PCDH15: variants seen among roughly 807,000 people sequenced by gnomAD.
The protein encoded by PCDH15 is protocadherin-15.
In PCDH15, 129 loss-of-function variants were observed where a neutral mutation model predicts 178.5. The observed-to-expected ratio is 0.72, with a 90% CI of 0.63 to 0.84. The LOEUF is 0.84. Ranked by LOEUF, PCDH15 falls within the 40% of genes least tolerant of loss-of-function variation. PCDH15 has a pLI of 0.00. For missense variants in PCDH15, 2,230 were observed against 2,099.9 expected, an observed-to-expected ratio of 1.06 and a Z score of -1.21; for synonymous variants, 800 against 732.0, an observed-to-expected ratio of 1.09 and a Z score of -1.50.
chr10:54,206,749 T>C (rs2050838630), intron 10 of PCDH15, among the ~76,000 whole-genome samples: 1 of 152,058 alleles, frequency 6.6e-6, no homozygotes, highest in South Asian at 2.1e-4. Flanking sequence ...AGACAAAAAA[T>C]AACAAAGAGT....
intron 18 of PCDH15, among the ~76,000 whole-genome samples, chr10:54,038,432 T>C (rs1444925635): frequency 2.0e-5 from 3 of 151,884 alleles, no homozygotes; most frequent in East Asian, 1.9e-4. Flanking sequence ...AAGACCAGAA[T>C]TGGATTCAGG....
chr10:55,300,208 A>G (rs945944964), intron 1 of PCDH15, among the ~76,000 whole-genome samples: 1 of 152,124 alleles, frequency 6.6e-6, no homozygotes, highest in Admixed American at 6.5e-5. Flanking sequence ...TTGAAATCCA[A>G]ATTTAACCTA....
intron 2 of PCDH15, among the ~76,000 whole-genome samples, chr10:54,970,394 G>A (rs997854965): frequency 6.6e-6 from 1 of 152,122 alleles, no homozygotes; most frequent in African/African-American, 2.4e-5. Context: ...GAACCATAAA[G>A]TGCTATCTTG....
intron 26 of PCDH15, among the ~76,000 whole-genome samples, chr10:53,897,902 T>G (rs1212147352): frequency 1.3e-5 from 2 of 151,950 alleles, no homozygotes; most frequent in Non-Finnish European, 2.9e-5. Context: ...TGTATGTGTA[T>G]ATCACATTTT....
At chr10:54,953,117 A>G (rs1339326814) in intron 2 of PCDH15, among the ~76,000 whole-genome samples, 3 of 151,550 alleles carry the variant, frequency 2.0e-5, no homozygotes, top group Non-Finnish European at 3.0e-5. Flanking sequence ...TACGTTAAGC[A>G]TGTTAGCGCT....
At chr10:55,128,948 A>C in intron 2 of PCDH15, among the ~76,000 whole-genome samples, 1 of 152,010 alleles carries the variant, frequency 6.6e-6, no homozygotes, top group East Asian at 1.9e-4. Context: ...AAGGACAGAA[A>C]GGATTATCCA....
At chr10:54,937,317 T>C (rs961604129) in intron 2 of PCDH15, among the ~76,000 whole-genome samples, 2 of 151,950 alleles carry the variant, frequency 1.3e-5, no homozygotes, top group Non-Finnish European at 2.9e-5. Context: ...AGAATGACTT[T>C]TAGATCTGGC....
In PCDH15 at chr10:53,822,421, G is replaced by GAGGAGGAGC. The variant is rs397517466; in HGVS notation, c.4368-2200_4368-2192dup. The GAGGAGGAGC allele has an allele frequency of 1.2e-4, 198 of 1,584,402 alleles. No homozygotes were observed. In the Middle Eastern group the frequency reaches 2.0e-3, roughly 16 times the overall value. ...AAAAGAGAAAAAGGAGAAATGTCAGGAGGAGGAGCAAGAGGAGCAGGAGCA... is the reference window on the plus strand; with the variant it reads ...AAAAGAGAAAAAGGAGAAATGTCAGGAGGAGGAGCAGGAGGAGCAAGAGGAGCAGGAGCA... On this transcript the variant is annotated intron_variant, in intron 32 of 37. Transcript: ENST00000644397.
At chr10:55,442,138 C>T (rs1839201804) in intron 2 of PCDH15, among the ~76,000 whole-genome samples, 1 of 151,816 alleles carries the variant, frequency 6.6e-6, no homozygotes, top group South Asian at 2.1e-4. Context: ...GTTAGCAGCA[C>T]AGGAAACTAA....
At chr10:54,691,184 G>A (rs1033439691) in intron 1 of PCDH15, among the ~76,000 whole-genome samples, 18 of 152,060 alleles carry the variant, frequency 1.2e-4, no homozygotes, top group Non-Finnish European at 2.1e-4. Flanking sequence ...AAATGTCTCT[G>A]AAAACTCTGT....
chr10:55,309,508 G>A (rs1402332783), intron 1 of PCDH15, among the ~76,000 whole-genome samples: 4 of 147,758 alleles, frequency 2.7e-5, no homozygotes, highest in Non-Finnish European at 4.4e-5. Context: ...ACAACAGAAC[G>A]AGACCTTATC....
intron 21 of PCDH15, among the ~76,000 whole-genome samples, chr10:53,992,197 G>A (rs1241404934): frequency 6.6e-6 from 1 of 152,058 alleles, no homozygotes; most frequent in Non-Finnish European, 1.5e-5. Flanking sequence ...TCACTGCAAA[G>A]GTCTGCAGTT....
intron 5 of PCDH15, among the ~76,000 whole-genome samples, chr10:54,350,167 A>G (rs1323604847): frequency 6.6e-6 from 1 of 152,188 alleles, no homozygotes; most frequent in Non-Finnish European, 1.5e-5. Context: ...AATGAAAAGC[A>G]TTAGTGTAAT....
chr10:55,250,014 T>C (rs1841792616), intron 1 of PCDH15, among the ~76,000 whole-genome samples: 1 of 152,128 alleles, frequency 6.6e-6, no homozygotes, highest in Non-Finnish European at 1.5e-5. Flanking sequence ...GGTGCATGGA[T>C]ATATAGATAG....
At chr10:54,001,229 G>A (rs1320708741) in intron 20 of PCDH15, among the ~76,000 whole-genome samples, 1 of 152,080 alleles carries the variant, frequency 6.6e-6, no homozygotes, top group African/African-American at 2.4e-5. Flanking sequence ...TGAGTAATAA[G>A]AAATCATCTG....
chr10:54,833,962 T>A (rs1953268841), intron 3 of PCDH15, among the ~76,000 whole-genome samples: 1 of 152,094 alleles, frequency 6.6e-6, no homozygotes, highest in African/African-American at 2.4e-5. Context: ...TTTTTAACAA[T>A]AATATGATCA....
chr10:55,213,289 A>T (rs1249262529), intron 1 of PCDH15, among the ~76,000 whole-genome samples: 1 of 152,044 alleles, frequency 6.6e-6, no homozygotes, highest in Non-Finnish European at 1.5e-5. Context: ...ACGAATCTTC[A>T]TTTACACTAC....
chr10:54,086,860 C>T (rs2094524422), intron 16 of PCDH15, among the ~76,000 whole-genome samples: 1 of 152,178 alleles, frequency 6.6e-6, no homozygotes, highest in African/African-American at 2.4e-5. Flanking sequence ...TCAATTTAGA[C>T]TAAAAGGATT....
intron 3 of PCDH15, among the ~76,000 whole-genome samples, chr10:54,812,337 C>G (rs1227492965): frequency 6.8e-6 from 1 of 147,162 alleles, no homozygotes; most frequent in African/African-American, 2.5e-5. Flanking sequence ...ATGGCAGGAT[C>G]TCGGCTCATT....
Sources: gnomAD v4.1 joint callset for allele counts (sites outside exome capture counted in the v4.1 genomes callset) on GRCh38, gnomAD v4.1.1 for gene constraint, MANE v1.5 for transcripts, NCBI Gene and HGNC (gene_info 2026-07-23, HGNC 2026-07-21) for gene names.